Variants in ZFAND2A observed in about 807,000 individuals in gnomAD.
ZFAND2A encodes zinc finger AN1-type containing 2A, also known as AN1-type zinc finger protein 2A.
Under a neutral mutation model 11.6 loss-of-function variants are expected in ZFAND2A, and 20 were observed. The observed-to-expected ratio is 1.72, with a 90% CI of 1.21 to 2.50. The LOEUF is 2.50. ZFAND2A is among the 30% of genes most tolerant of loss of function. The pLI, the probability that ZFAND2A is intolerant of heterozygous loss-of-function variation, is 0.00. For synonymous variants in ZFAND2A, 93 were observed against 60.6 expected (o/e 1.54, Z -2.48); for missense variants, 234 against 182.9 (o/e 1.28, Z -1.61).
At chr7:1,149,396 C>T (rs555534678), downstream of ZFAND2A, among the ~76,000 whole-genome samples, 1 of 152,340 alleles carries the variant, frequency 6.6e-6, no homozygotes, top group East Asian at 1.9e-4. Flanking sequence ...ACCCGGGCAG[C>T]TCCAGGTGTA....
chr7:1,152,591 T>C (rs561719211), downstream of ZFAND2A, among the ~76,000 whole-genome samples: 9 of 152,176 alleles, frequency 5.9e-5, no homozygotes, highest in African/African-American at 1.7e-4. Flanking sequence ...TGACCTTCTG[T>C]GGACACAGGG....
At position 1,155,532 on chromosome 7, in the gene ZFAND2A, T is replaced by C. The variant is rs1793503892; in HGVS notation, c.203A>G (p.Lys68Arg). The change falls in exon 4 of 5, where the codon AAG becomes AGG. Residue 68 changes from lysine (K) to arginine (R), a missense_variant. Lys to Arg is a conservative substitution (Grantham distance 26). Transcript: ENST00000316495. ...PLCNTPIPVKKGQIPDVVVGD... is the reference protein window; with the variant it reads ...PLCNTPIPVKRGQIPDVVVGD... ...AACCACCACGTCTGGTATCTGGCCC[T>C]TTTTTACTGGGATGGGGGTATTACA... 1 of 1,613,462 alleles carries C rather than the reference T, an allele frequency of 6.2e-7. No homozygotes were observed. The highest frequency in any genetic ancestry group is 8.5e-7 in the Non-Finnish European group (1 of 1,179,614).
chr7:1,149,567 G>A (rs901639243), downstream of ZFAND2A, among the ~76,000 whole-genome samples: 6 of 152,204 alleles, frequency 3.9e-5, no homozygotes, highest in East Asian at 1.9e-4. Flanking sequence ...GTCACCCACC[G>A]TCAGGGATGT....
At chr7:1,151,809 G>A (rs1043086081), downstream of ZFAND2A, among the ~76,000 whole-genome samples, 9 of 145,270 alleles carry the variant, frequency 6.2e-5, no homozygotes, top group Non-Finnish European at 1.2e-4. Context: ...GGGGATTCCC[G>A]TGAAGATGGC....
rs541995630 is a variant in ZFAND2A at position 1,154,315 on chromosome 7, AG to A, written c.283-1092del. On this transcript the variant is annotated intron_variant, in intron 4 of 4. Coordinates refer to ENST00000316495, the MANE Select transcript of ZFAND2A (RefSeq NM_182491.4). ...GCAGCCGGGGGTGGCCCTCCGGCCA[AG>A]GCAGGCAGGCATGGCCATGCTGAGC... is the stretch of plus-strand genomic sequence containing the variant. Among the ~76,000 whole-genome samples the A allele has an allele frequency of 9.4e-4, 143 of 152,146 alleles. 1 individual carries two copies. Among genetic ancestry groups the A allele is most frequent in the African/African-American group, 3.3e-3 (137 of 41,518 alleles).
At chr7:1,153,401 G>A (rs1027941725) in intron 4 of ZFAND2A, among the ~76,000 whole-genome samples, 177 bp from the exon 5 acceptor site, 6 of 151,972 alleles carry the variant, frequency 3.9e-5, no homozygotes, top group Admixed American at 2.0e-4. Context: ...ACACCGCCAC[G>A]TCCAGCTAAT....
chr7:1,155,078 A>G (rs1423682943), intron 4 of ZFAND2A, among the ~76,000 whole-genome samples: 3 of 152,182 alleles, frequency 2.0e-5, no homozygotes, highest in African/African-American at 7.2e-5. Context: ...AGACGGCACC[A>G]TTCACCATGG....
intron 4 of ZFAND2A, among the ~76,000 whole-genome samples, chr7:1,154,729 G>C (rs1298828945): frequency 6.6e-6 from 1 of 152,222 alleles, no homozygotes; most frequent in African/African-American, 2.4e-5. Flanking sequence ...TAATATAACT[G>C]TAAAGTATTG....
downstream of ZFAND2A, among the ~76,000 whole-genome samples, chr7:1,151,895 C>A (rs556824007): frequency 4.6e-5 from 7 of 151,912 alleles, no homozygotes; most frequent in Non-Finnish European, 7.4e-5. Flanking sequence ...AAATAACCCA[C>A]ACGGCAGTGC....
Position 1,159,568 on chromosome 7 carries a change from G to A in ZFAND2A, c.-46+396C>T, listed in dbSNP as rs1793628702. ...GGCAGGCCCGGTCCCCAGCAGACAGGCCGGACCCCCAACAGCCAGACCCCG... is the reference window on the plus strand; with the variant it reads ...GGCAGGCCCGGTCCCCAGCAGACAGACCGGACCCCCAACAGCCAGACCCCG... On this transcript the variant is annotated intron_variant, in intron 1 of 4. Transcript: ENST00000316495. Among the ~76,000 whole-genome samples the A allele has an allele frequency of 2.5e-5, 2 of 79,626 alleles. 1 individual carries two copies. Among genetic ancestry groups the A allele is most frequent in the Admixed American group, 2.4e-4 (2 of 8,372 alleles). The allele number at this position is 79,626 out of a possible 152,430, so 52.2% of individuals were successfully genotyped here.
intron 1 of ZFAND2A, among the ~76,000 whole-genome samples, chr7:1,159,253 G>A (rs557215636): frequency 1.2e-3 from 177 of 152,340 alleles, no homozygotes; most frequent in African/African-American, 3.6e-3. Flanking sequence ...GAATTCACAA[G>A]AGTTTGATGT....
downstream of ZFAND2A, chr7:1,152,200 C>G (rs146221067): frequency 1.2e-4 from 188 of 1,523,638 alleles, no homozygotes; most frequent in African/African-American, 2.4e-3. Flanking sequence ...GTTCACCAAC[C>G]AAGAGCTGCA....
intron 4 of ZFAND2A, 113 bp downstream of exon 4, chr7:1,155,340 T>C: frequency 6.8e-7 from 1 of 1,467,872 alleles, no homozygotes. Flanking sequence ...AGGACTCTTC[T>C]TTTCTACTTT....
At chr7:1,155,795 G>T in intron 3 of ZFAND2A, 1 of 484,624 alleles carries the variant, frequency 2.1e-6, no homozygotes, top group Non-Finnish European at 3.4e-6. Context: ...GGAGTCTAGT[G>T]AAGTTTCAAC....
Position 1,155,552 on chromosome 7 carries a change from A to C in ZFAND2A, c.183T>G (p.Asn61Lys). 6.2e-7 allele frequency: 1 copy of C among 1,613,826 alleles called. No homozygotes were observed. Among genetic ancestry groups the C allele is most frequent in the Non-Finnish European group, 8.5e-7 (1 of 1,179,822 alleles). ...GGCCCTTTTTTACTGGGATGGGGGT[A>C]TTACAGAGTGGGCATACTGGGACGT... Reference protein sequence around the residue: ...DVHVPVCPLCNTPIPVKKGQI... With the variant: ...DVHVPVCPLCKTPIPVKKGQI... The change falls in exon 4 of 5, where the codon AAT becomes AAG. Residue 61 changes from asparagine (N) to lysine (K), a missense_variant. Transcript: ENST00000316495.
downstream of ZFAND2A, among the ~76,000 whole-genome samples, chr7:1,151,376 T>TC (rs77617988): frequency 0.1 from 15,507 of 151,954 alleles, 1,300 homozygotes; most frequent in African/African-American, 0.24. Context: ...TGGATGTCCT[T>TC]CCCCCTTCTT....
At chr7:1,152,535 G>A (rs146502658), downstream of ZFAND2A, among the ~76,000 whole-genome samples, 38 of 152,324 alleles carry the variant, frequency 2.5e-4, no homozygotes, top group African/African-American at 8.9e-4. Context: ...GTTGAATCAT[G>A]TCCCCACAAG....
Position 1,155,681 on chromosome 7 carries a change from AAG to A in ZFAND2A, c.151-99_151-98del, listed in dbSNP as rs373747828. On this transcript the variant is annotated intron_variant, in intron 3 of 4. Coordinates refer to ENST00000316495, the MANE Select transcript of ZFAND2A (RefSeq NM_182491.4). Reference sequence around the variant, plus strand: ...CTCCTGTGCGGCACACTTAAACACAAAGAGAGGACAAAAACCGGTCTCCCGAG... The same window carrying A: ...CTCCTGTGCGGCACACTTAAACACAAAGAGGACAAAAACCGGTCTCCCGAG... 854 of 1,467,980 alleles carry A rather than the reference AAG, an allele frequency of 5.8e-4. 12 individuals are homozygous for A. In the South Asian group the frequency reaches 0.01, roughly 18 times the overall value. 90.9% of individuals were successfully genotyped at this position (1,467,980 alleles called of 1,614,324 possible).
chr7:1,150,887 C>CTT (rs10568309), downstream of ZFAND2A, among the ~76,000 whole-genome samples: 171 of 128,098 alleles, frequency 1.3e-3, 2 homozygotes, highest in South Asian at 5.4e-3. Context: ...ACAACTGTGC[C>CTT]TTTTTTTTTT....
Sources: allele counts gnomAD v4.1 joint callset (sites outside exome capture counted in the v4.1 genomes callset), GRCh38; gene constraint gnomAD v4.1.1; transcripts MANE v1.5; gene names NCBI Gene and HGNC (gene_info 2026-07-23, HGNC 2026-07-21).